PCDHGA4: variants seen among roughly 807,000 people sequenced by gnomAD.
PCDHGA4 encodes the protein protocadherin gamma subfamily A, 4.
In PCDHGA4, 38 loss-of-function variants were observed where a neutral mutation model predicts 54.6. The ratio of observed to expected loss-of-function variants is 0.70; its 90% CI spans 0.54 to 0.91. PCDHGA4 has a LOEUF of 0.91. PCDHGA4 is among the 40% of genes least tolerant of loss of function. The pLI, the probability that PCDHGA4 is intolerant of heterozygous loss-of-function variation, is 0.00. For synonymous variants in PCDHGA4, 511 were observed against 512.9 expected, an observed-to-expected ratio of 1.00 and a Z score of 0.05; for missense variants, 1,298 against 1,220.9, an observed-to-expected ratio of 1.06 and a Z score of -0.94.
Position 141,421,822 on chromosome 5 carries a change from G to A in PCDHGA4, c.2514+64201G>A, listed in dbSNP as rs2096603648. On this transcript the variant is annotated intron_variant, in intron 1 of 3. Transcript: ENST00000571252. ...CAAGAATCCAGAGCTAGTACTGGAG[G>A]GAAGCCTGGACCGAGAGAAAGAGGC... 3.7e-6 allele frequency: 6 copies of A among 1,613,690 alleles called. No homozygotes were observed. The East Asian group carries it at 1.1e-4, about 30-fold the overall frequency.
intron 1 of PCDHGA4, among the ~76,000 whole-genome samples, chr5:141,435,462 T>G (rs1206913100): frequency 6.6e-6 from 1 of 152,230 alleles, no homozygotes; most frequent in Non-Finnish European, 1.5e-5. Flanking sequence ...TGTATGTGTT[T>G]CCAAGTTAGA....
At chr5:141,509,570 G>A (rs2099877371) in intron 3 of PCDHGA4, among the ~76,000 whole-genome samples, 1 of 152,232 alleles carries the variant, frequency 6.6e-6, no homozygotes, top group South Asian at 2.1e-4. Flanking sequence ...AGCCTTCACA[G>A]TGCGTACAAA....
intron 1 of PCDHGA4, chr5:141,364,242 G>C (rs192201180): frequency 2.1e-6 from 3 of 1,451,222 alleles, no homozygotes; most frequent in East Asian, 2.4e-5. Context: ...GCCCATTTTC[G>C]TCAGGGAATA....
Position 141,431,794 on chromosome 5 carries a change from A to C in PCDHGA4, c.2515-63013A>C. On this transcript the variant is annotated intron_variant, in intron 1 of 3. Coordinates refer to ENST00000571252, the MANE Select transcript of PCDHGA4 (RefSeq NM_018917.4). The surrounding 1 kb of genome is among the most constrained non-coding windows in gnomAD (Gnocchi z 4.8). ...TTCTGGACGTGAACGACAATGCCCC[A>C]GAAGTGGTCCTCACCTCTCTCGCCA... 1 of 1,614,260 alleles carries C rather than the reference A, an allele frequency of 6.2e-7. No individual in the cohort carries two copies. Among genetic ancestry groups the C allele is most frequent in the Non-Finnish European group, 8.5e-7 (1 of 1,180,046 alleles).
intron 1 of PCDHGA4, among the ~76,000 whole-genome samples, chr5:141,386,562 A>G (rs979902403): frequency 3.0e-4 from 45 of 152,130 alleles, no homozygotes; most frequent in Non-Finnish European, 4.7e-4. Context: ...TATTTTGCAC[A>G]TGATAGACTC....
At chr5:141,368,452 C>G (rs75043959) in intron 1 of PCDHGA4, among the ~76,000 whole-genome samples, 11 of 151,980 alleles carry the variant, frequency 7.2e-5, no homozygotes, top group Middle Eastern at 3.4e-3. Context: ...ACAAACTCAC[C>G]GAATAGTGAA....
In PCDHGA4 at chr5:141,510,272, T is replaced by TAAA. The variant is rs546154379; in HGVS notation, c.2663-658_2663-656dup. 1.5e-3 allele frequency among the ~76,000 whole-genome samples: 198 copies of TAAA among 130,372 alleles called. 1 individual carries two copies. Among genetic ancestry groups the TAAA allele is most frequent in the Non-Finnish European group, 2.8e-3 (172 of 61,058 alleles). The allele number at this position is 130,372 out of a possible 152,430, so 85.5% of individuals were successfully genotyped here. ...TGGGCGACAGAGCAGGACTCCATCTTAAAAAAAAAAAAAAAAAAATGCTGT... is the reference window on the plus strand; with the variant it reads ...TGGGCGACAGAGCAGGACTCCATCTTAAAAAAAAAAAAAAAAAAAAAATGCTGT... On this transcript the variant is annotated intron_variant, in intron 3 of 3. Coordinates refer to ENST00000571252, the MANE Select transcript of PCDHGA4 (RefSeq NM_018917.4).
In PCDHGA4 at chr5:141,431,159, C is replaced by A. The variant is rs1017606383; in HGVS notation, c.2515-63648C>A. On this transcript the variant is annotated intron_variant, in intron 1 of 3. Coordinates refer to ENST00000571252, the MANE Select transcript of PCDHGA4 (RefSeq NM_018917.4). The surrounding 1 kb of genome is among the most constrained non-coding windows in gnomAD (Gnocchi z 4.8). The stretch of plus-strand genomic sequence containing the variant: ...CATTAACGACAATGCGCCTTACTTT[C>A]GTGAAAGTGAATTAGAAATAAAAAT... The A allele has an allele frequency of 6.2e-7, 1 of 1,614,158 alleles. No homozygotes were observed. The highest frequency in any genetic ancestry group is 1.3e-5 in the African/African-American group (1 of 75,046).
intron 1 of PCDHGA4, chr5:141,382,902 G>A: frequency 6.5e-7 from 1 of 1,543,512 alleles, no homozygotes; most frequent in South Asian, 1.2e-5. Flanking sequence ...GGACGACTAT[G>A]GCGGCTCAGC....
At chr5:141,503,387 G>A (rs975079596) in intron 2 of PCDHGA4, among the ~76,000 whole-genome samples, 24 of 152,068 alleles carry the variant, frequency 1.6e-4, no homozygotes, top group Middle Eastern at 3.4e-3. Flanking sequence ...ATGAGGTCAG[G>A]AGTTCGAAAC....
At chr5:141,498,467 G>C (rs535351060) in intron 2 of PCDHGA4, among the ~76,000 whole-genome samples, 1 of 152,116 alleles carries the variant, frequency 6.6e-6, no homozygotes, top group East Asian at 1.9e-4. Context: ...GTCTAACCCT[G>C]GTTCCAGCCT....
At position 141,432,480 on chromosome 5, in the gene PCDHGA4, G is replaced by C; in HGVS notation, c.2515-62327G>C. ...GCCCTCCCCACGGACGGTTCCACTGGCGTGGAGCTGGCTCCCCGCTCCGCA... is the reference window on the plus strand; with the variant it reads ...GCCCTCCCCACGGACGGTTCCACTGCCGTGGAGCTGGCTCCCCGCTCCGCA... On this transcript the variant is annotated intron_variant, in intron 1 of 3. Coordinates refer to ENST00000571252, the MANE Select transcript of PCDHGA4 (RefSeq NM_018917.4). The surrounding 1 kb of genome is among the most constrained non-coding windows in gnomAD (Gnocchi z 6.0). 6 of 1,614,180 alleles carry C rather than the reference G, an allele frequency of 3.7e-6. No homozygotes were observed. Among genetic ancestry groups the C allele is most frequent in the Non-Finnish European group, 5.1e-6 (6 of 1,180,044 alleles).
At position 141,511,247 on chromosome 5, in the gene PCDHGA4, C is replaced by A; in HGVS notation, c.*74C>A. The A allele has an allele frequency of 1.3e-6, 2 of 1,577,162 alleles. No individual in the cohort carries two copies. The highest frequency in any genetic ancestry group is 1.7e-6 in the Non-Finnish European group (2 of 1,161,712). On this transcript the variant is annotated 3_prime_UTR_variant, in exon 4 of 4. Transcript: ENST00000571252. Reference sequence around the variant, plus strand: ...CAGCTTCTCCTTACCTGCACCCAGGCCTCAGAGTTTCAGGGCTAACCCCCA... The same window carrying A: ...CAGCTTCTCCTTACCTGCACCCAGGACTCAGAGTTTCAGGGCTAACCCCCA...
intron 1 of PCDHGA4, chr5:141,378,340 T>G (rs887140006): frequency 2.0e-5 from 3 of 152,166 alleles, no homozygotes; most frequent in African/African-American, 7.2e-5. Context: ...CTGACCAACA[T>G]GGTGAAACCC....
chr5:141,478,213 C>A (rs2099439229), intron 1 of PCDHGA4: 1 of 1,614,000 alleles, frequency 6.2e-7, no homozygotes, highest in Non-Finnish European at 8.5e-7. Context: ...TTTCTCTAAT[C>A]CTGGTTTCTG....
chr5:141,410,849 C>CTTTTTTTTCTTTTTT (rs2095433387), intron 1 of PCDHGA4: 1 of 129,786 alleles, frequency 7.7e-6, no homozygotes, highest in African/African-American at 6.0e-5. Context: ...TTGTCTTTGT[C>CTTTTTTTTCTTTTTT]TTTTTTTTTT....
intron 2 of PCDHGA4, among the ~76,000 whole-genome samples, chr5:141,498,260 A>C (rs1044675509): frequency 6.6e-6 from 1 of 152,140 alleles, no homozygotes; most frequent in Non-Finnish European, 1.5e-5. Flanking sequence ...GCTGGTGTTG[A>C]GTTCTTCAGT....
chr5:141,433,277 T>G, intron 1 of PCDHGA4: 1 of 1,231,982 alleles, frequency 8.1e-7, no homozygotes. Flanking sequence ...CACTGCAGCC[T>G]CAAACTCCTA....
intron 1 of PCDHGA4, chr5:141,413,667 G>A: frequency 6.2e-7 from 1 of 1,613,836 alleles, no homozygotes; most frequent in Non-Finnish European, 8.5e-7. Flanking sequence ...CTATTGATCC[G>A]GATGTGGGCG....
Sources: allele counts gnomAD v4.1 joint callset (sites outside exome capture counted in the v4.1 genomes callset), GRCh38; gene constraint gnomAD v4.1.1; non-coding constraint Gnocchi (gnomAD v3.1); transcripts MANE v1.5; gene names NCBI Gene and HGNC (gene_info 2026-07-23, HGNC 2026-07-21).